The following SYN2 variants were observed in gnomAD, a reference collection of about 807,000 sequenced individuals.
SYN2 encodes synapsin II.
A neutral mutation model predicts 50.9 loss-of-function variants in SYN2; 19 were observed. The ratio of observed to expected loss-of-function variants is 0.37; its 90% CI spans 0.26 to 0.55. The LOEUF is 0.55. SYN2 is among the 20% of genes least tolerant of loss of function. SYN2 has a pLI of 0.81. For synonymous variants in SYN2, 255 were observed against 224.9 expected (o/e 1.13, Z -1.20); for missense variants, 587 against 576.4 (o/e 1.02, Z -0.19).
chr3:12,052,513 C>A (rs549948943), intron 1 of SYN2, among the ~76,000 whole-genome samples: 1 of 152,216 alleles, frequency 6.6e-6, no homozygotes, highest in East Asian at 1.9e-4. Flanking sequence ...CAAGAAGAAT[C>A]AAAATTTGTG....
At chr3:12,029,420 A>C (rs1220069144) in intron 1 of SYN2, among the ~76,000 whole-genome samples, 4 of 126,776 alleles carry the variant, frequency 3.2e-5, no homozygotes, top group Non-Finnish European at 6.2e-5. Context: ...GAAGAAAGTC[A>C]TTGGTAGCTT....
chr3:12,066,708 G>A (rs759728846), intron 1 of SYN2, among the ~76,000 whole-genome samples: 1 of 152,154 alleles, frequency 6.6e-6, no homozygotes, highest in Non-Finnish European at 1.5e-5. Flanking sequence ...CTCACATTCA[G>A]AACATAGAGC....
At chr3:12,149,805 A>G (rs910546247) in intron 4 of SYN2, among the ~76,000 whole-genome samples, 2 of 152,178 alleles carry the variant, frequency 1.3e-5, no homozygotes, top group African/African-American at 2.4e-5. Flanking sequence ...AATCATATCT[A>G]TACCTACAAA....
intron 7 of SYN2, 31 bp from the exon 8 acceptor site, chr3:12,167,203 C>T: frequency 1.9e-6 from 3 of 1,606,034 alleles, no homozygotes; most frequent in African/African-American, 2.7e-5. Flanking sequence ...TGGCTCACTG[C>T]CTGTCCTATC....
intron 1 of SYN2, among the ~76,000 whole-genome samples, chr3:12,064,528 T>A (rs1240647809): frequency 6.6e-6 from 1 of 152,040 alleles, no homozygotes; most frequent in Admixed American, 6.6e-5. Flanking sequence ...TTCTTATAAT[T>A]CAACAATAAA....
chr3:12,171,484 A>G (rs1697934784), intron 10 of SYN2, among the ~76,000 whole-genome samples: 1 of 152,204 alleles, frequency 6.6e-6, no homozygotes. Flanking sequence ...ATCTGGTAGT[A>G]TCTTAAAGAA....
chr3:12,127,679 A>G (rs1696700927), intron 1 of SYN2, among the ~76,000 whole-genome samples: 2 of 152,164 alleles, frequency 1.3e-5, no homozygotes, highest in African/African-American at 4.8e-5. Context: ...AATCCAAAGT[A>G]TTGTTGCCTT....
At chr3:12,131,820 T>C (rs1156577348) in intron 1 of SYN2, among the ~76,000 whole-genome samples, 1 of 152,096 alleles carries the variant, frequency 6.6e-6, no homozygotes, top group East Asian at 1.9e-4. Flanking sequence ...TTTCAGATCT[T>C]TGGGATTGCT....
chr3:12,109,896 A>T (rs1257086527), intron 1 of SYN2, among the ~76,000 whole-genome samples: 1 of 152,182 alleles, frequency 6.6e-6, no homozygotes, highest in Admixed American at 6.5e-5. Context: ...TTTCTTTTTT[A>T]AAATAGTGAT....
intron 1 of SYN2, among the ~76,000 whole-genome samples, chr3:12,005,302 C>T (rs890270947): frequency 6.6e-6 from 1 of 151,930 alleles, no homozygotes; most frequent in Non-Finnish European, 1.5e-5. Context: ...CCCAGGAGGC[C>T]GAAGGAACAT....
chr3:12,162,189 A>G (rs1697670284), intron 7 of SYN2, 35 bp downstream of exon 7: 1 of 1,606,010 alleles, frequency 6.2e-7, no homozygotes, highest in Non-Finnish European at 8.5e-7. Context: ...CTCCTCAGTG[A>G]TGATGGAAAA....
In SYN2 at chr3:12,107,635, G is replaced by A. The variant is rs376527913; in HGVS notation, c.378-33016G>A. ...AAGAATGCTGGCCAGTGAGTGCGGT[G>A]GCTCACGCCTGTAATTCTAGCACTT... On this transcript the variant is annotated intron_variant, in intron 1 of 12. Coordinates refer to ENST00000621198, the MANE Select transcript of SYN2 (RefSeq NM_133625.6). Among the ~76,000 whole-genome samples the A allele has an allele frequency of 2.6e-5, 4 of 152,242 alleles. No individual in the cohort carries two copies. The East Asian group carries it at 7.7e-4, about 29-fold the overall frequency.
chr3:12,146,239 G>T (rs1697148618), intron 4 of SYN2, among the ~76,000 whole-genome samples: 1 of 152,188 alleles, frequency 6.6e-6, no homozygotes, highest in South Asian at 2.1e-4. Flanking sequence ...TTTTGGAAAG[G>T]CCTGAGCCCA....
chr3:12,079,277 G>A (rs1463205741), intron 1 of SYN2, among the ~76,000 whole-genome samples: 2 of 151,934 alleles, frequency 1.3e-5, no homozygotes, highest in Non-Finnish European at 2.9e-5. Flanking sequence ...CTCTCTTCCC[G>A]TTTGAATATC....
intron 5 of SYN2, 133 bp from the exon 6 acceptor site, chr3:12,161,413 A>C: frequency 1.0e-6 from 1 of 986,536 alleles, no homozygotes; most frequent in Non-Finnish European, 1.5e-6. Flanking sequence ...CAGTTTTTTA[A>C]TCTGTAAAGC....
chr3:12,081,072 T>G (rs1355343148), intron 1 of SYN2, among the ~76,000 whole-genome samples: 2 of 152,206 alleles, frequency 1.3e-5, no homozygotes, highest in Non-Finnish European at 1.5e-5. Flanking sequence ...AATTTTAGAT[T>G]TTAGTGCTTT....
At chr3:12,088,088 C>T (rs1695749744) in intron 1 of SYN2, among the ~76,000 whole-genome samples, 1 of 152,114 alleles carries the variant, frequency 6.6e-6, no homozygotes, top group Admixed American at 6.6e-5. Flanking sequence ...AACGAAAAAG[C>T]TACTGCACAG....
At position 12,127,101 on chromosome 3, in the gene SYN2, G is replaced by A. The variant is rs555474747; in HGVS notation, c.378-13550G>A. On this transcript the variant is annotated intron_variant, in intron 1 of 12. Coordinates refer to ENST00000621198, the MANE Select transcript of SYN2 (RefSeq NM_133625.6). The stretch of plus-strand genomic sequence containing the variant: ...ATTACAACAGCACTACATAATGAAC[G>A]TCTTTTCAAAGGAATGTGTCCAAAC... Among the ~76,000 whole-genome samples, 9 of 152,272 alleles carry A rather than the reference G, an allele frequency of 5.9e-5. No individual in the cohort carries two copies. The South Asian group carries it at 1.7e-3, about 28-fold the overall frequency.
chr3:12,106,445 A>G (rs1696192047), intron 1 of SYN2, among the ~76,000 whole-genome samples: 1 of 152,178 alleles, frequency 6.6e-6, no homozygotes, highest in African/African-American at 2.4e-5. Context: ...ATCTGGGACC[A>G]TTTTGAAACT....
Sources: gnomAD v4.1 joint callset for allele counts (sites outside exome capture counted in the v4.1 genomes callset) on GRCh38, gnomAD v4.1.1 for gene constraint, MANE v1.5 for transcripts, NCBI Gene and HGNC (gene_info 2026-07-23, HGNC 2026-07-21) for gene names.